The following CCDC7 variants were observed in gnomAD, a reference collection of about 807,000 sequenced individuals.
CCDC7 encodes coiled-coil domain containing 7, also known as coiled-coil domain-containing protein 7.
In CCDC7, 183 loss-of-function variants were observed where a neutral mutation model predicts 196.9. The ratio of observed to expected loss-of-function variants is 0.93; its 90% CI spans 0.82 to 1.05. CCDC7 has a LOEUF of 1.05. Ranked by LOEUF, CCDC7 falls within the 50% of genes least tolerant of loss-of-function variation. The pLI is 0.00. For missense variants in CCDC7, 1,540 were observed against 1,482.2 expected (o/e 1.04, Z -0.64); for synonymous variants, 525 against 484.6 (o/e 1.08, Z -1.10).
At chr10:32,573,245 A>G (rs1370367574) in intron 16 of CCDC7, among the ~76,000 whole-genome samples, 1 of 152,194 alleles carries the variant, frequency 6.6e-6, no homozygotes, top group Non-Finnish European at 1.5e-5. Flanking sequence ...CCATGCAATC[A>G]TGGTGACGTA....
At chr10:32,451,998 C>G in intron 1 of CCDC7, 77 bp downstream of exon 2, 1 of 1,480,636 alleles carries the variant, frequency 6.8e-7, no homozygotes, top group South Asian at 1.4e-5. Context: ...GGAGGACTCA[C>G]ATGACTCCAC....
intron 18 of CCDC7, among the ~76,000 whole-genome samples, chr10:32,602,474 G>A (rs1349775851): frequency 2.0e-5 from 3 of 152,156 alleles, no homozygotes; most frequent in African/African-American, 7.2e-5. Context: ...TTATGTTTTT[G>A]TGGGGAGTTT....
At chr10:32,505,024 T>C (rs1427532406) in intron 9 of CCDC7, among the ~76,000 whole-genome samples, 3 of 152,196 alleles carry the variant, frequency 2.0e-5, no homozygotes, top group South Asian at 4.1e-4. Flanking sequence ...AGGCTATTAT[T>C]ATATTGCTGT....
intron 8 of CCDC7, among the ~76,000 whole-genome samples, chr10:32,476,248 C>T (rs1178324519): frequency 6.6e-6 from 1 of 152,146 alleles, no homozygotes; most frequent in Non-Finnish European, 1.5e-5. Context: ...CTGGAAACCA[C>T]TAATCTGTTT....
chr10:32,773,636 A>T (rs1240975613), intron 28 of CCDC7, among the ~76,000 whole-genome samples: 3 of 152,024 alleles, frequency 2.0e-5, no homozygotes, highest in Non-Finnish European at 4.4e-5. Flanking sequence ...TTAAAAGTAG[A>T]TTATTCTGAA....
intron 28 of CCDC7, among the ~76,000 whole-genome samples, chr10:32,774,023 A>G (rs1442270297): frequency 2.0e-5 from 3 of 152,200 alleles, no homozygotes; most frequent in Non-Finnish European, 2.9e-5. Flanking sequence ...AATCAATTAC[A>G]AAAACTATTA....
intron 21 of CCDC7, among the ~76,000 whole-genome samples, chr10:32,676,452 A>G (rs932999541): frequency 6.6e-6 from 1 of 150,866 alleles, no homozygotes; most frequent in African/African-American, 2.4e-5. Context: ...ATGGGAGAAA[A>G]TTTTCGCAAC....
chr10:32,711,404 T>C (rs1017583640), intron 24 of CCDC7, among the ~76,000 whole-genome samples: 1 of 152,148 alleles, frequency 6.6e-6, no homozygotes, highest in African/African-American at 2.4e-5. Context: ...TAAAACACAT[T>C]TAATATCTAG....
chr10:32,596,957 T>C (rs1038408424), intron 18 of CCDC7, among the ~76,000 whole-genome samples: 3 of 152,156 alleles, frequency 2.0e-5, no homozygotes, highest in African/African-American at 7.2e-5. Flanking sequence ...CCTTAACATT[T>C]TTTTGTTTTT....
Position 32,496,917 on chromosome 10 carries a change from G to T in CCDC7, c.872+4920G>T, listed in dbSNP as rs142405981. Among the ~76,000 whole-genome samples, 1,114 of 152,274 alleles carry T rather than the reference G, an allele frequency of 7.3e-3. 14 individuals are homozygous for T. The highest frequency in any genetic ancestry group is 0.025 in the African/African-American group (1,055 of 41,554). On this transcript the variant is annotated intron_variant, in intron 9 of 41. Transcript: ENST00000639629. Reference sequence around the variant, plus strand: ...GGTGCTGGCCTCATAAAATGAGTTAGGGAGGATTCTCTCTTTTTCTATTGT... The same window carrying T: ...GGTGCTGGCCTCATAAAATGAGTTATGGAGGATTCTCTCTTTTTCTATTGT...
chr10:32,839,971 A>T (rs1012336589), intron 33 of CCDC7, among the ~76,000 whole-genome samples: 1 of 152,124 alleles, frequency 6.6e-6, no homozygotes, highest in Admixed American at 6.6e-5. Flanking sequence ...ATAGTGACAC[A>T]ACCTATCAAA....
At chr10:32,799,179 A>G (rs2084263187) in intron 29 of CCDC7, among the ~76,000 whole-genome samples, 1 of 152,162 alleles carries the variant, frequency 6.6e-6, no homozygotes, top group Admixed American at 6.5e-5. Context: ...TCAAATGTTT[A>G]GTTTCTACCA....
In CCDC7 at chr10:32,824,621, T is replaced by C. The variant is rs1211012153; in HGVS notation, c.3268+17T>C. 6.4e-7 allele frequency: 1 copy of C among 1,552,140 alleles called. No homozygotes were observed. Among genetic ancestry groups the C allele is most frequent in the African/African-American group, 1.4e-5 (1 of 73,300 alleles). On this transcript the variant is annotated intron_variant, in intron 32 of 41. Coordinates refer to ENST00000639629, the Ensembl canonical transcript of CCDC7. Reference sequence around the variant, plus strand: ...GTTACCCTGGTAAGAATAAGAATTTTTAAAATCTACTTATGGTTTCCTATC... The same window carrying C: ...GTTACCCTGGTAAGAATAAGAATTTCTAAAATCTACTTATGGTTTCCTATC...
At chr10:32,501,772 A>G (rs772060929) in intron 9 of CCDC7, among the ~76,000 whole-genome samples, 11 of 152,330 alleles carry the variant, frequency 7.2e-5, no homozygotes, top group East Asian at 3.9e-4. Flanking sequence ...TGAGGTGTCT[A>G]TCGGCCCCTA....
intron 21 of CCDC7, among the ~76,000 whole-genome samples, chr10:32,684,626 A>C (rs188665913): frequency 1.4e-4 from 21 of 152,238 alleles, no homozygotes; most frequent in Non-Finnish European, 3.1e-4. Context: ...GCCACTTATA[A>C]ATTTGTAAGT....
chr10:32,668,497 G>A (rs1483577300), intron 21 of CCDC7, among the ~76,000 whole-genome samples: 2 of 152,104 alleles, frequency 1.3e-5, no homozygotes. Flanking sequence ...TATGATATTG[G>A]CTGTGGATTT....
chr10:32,867,608 C>T (rs181197571), intron 41 of CCDC7, among the ~76,000 whole-genome samples: 2 of 151,090 alleles, frequency 1.3e-5, no homozygotes, highest in African/African-American at 2.4e-5. Context: ...AGGCAACTAA[C>T]GGGAAAATGG....
At chr10:32,708,490 G>T (rs1236534543) in intron 24 of CCDC7, among the ~76,000 whole-genome samples, 1 of 152,192 alleles carries the variant, frequency 6.6e-6, no homozygotes, top group Non-Finnish European at 1.5e-5. Flanking sequence ...TTAAACTGAA[G>T]AGCTTCTGCA....
intron 20 of CCDC7, among the ~76,000 whole-genome samples, chr10:32,653,215 C>T (rs1360638384): frequency 6.6e-6 from 1 of 152,120 alleles, no homozygotes; most frequent in African/African-American, 2.4e-5. Flanking sequence ...GTATAGGACT[C>T]AGGTTCCTCT....
Sources: allele counts gnomAD v4.1 joint callset (sites outside exome capture counted in the v4.1 genomes callset), GRCh38; gene constraint gnomAD v4.1.1; transcripts MANE v1.5; gene names NCBI Gene and HGNC (gene_info 2026-07-23, HGNC 2026-07-21).